Variants in MED13L observed in about 807,000 individuals in gnomAD.
The protein encoded by MED13L is mediator complex subunit 13L, also known as mediator of RNA polymerase II transcription subunit 13-like.
A neutral mutation model predicts 220.9 loss-of-function variants in MED13L; 7 were observed. The observed-to-expected ratio is 0.03, with a 90% CI of 0.02 to 0.06. The LOEUF is 0.06. Among genes scored for constraint, MED13L ranks in the 10% least tolerant of loss-of-function variants. MED13L has a pLI of 1.00. For missense variants in MED13L, 1,965 were observed against 2,760.5 expected, an observed-to-expected ratio of 0.71 and a Z score of 6.46; for synonymous variants, 1,011 against 1,015.2, an observed-to-expected ratio of 1.00 and a Z score of 0.08.
intron 2 of MED13L, among the ~76,000 whole-genome samples, chr12:116,179,130 G>GTTATAC (rs1880299179): frequency 6.6e-6 from 1 of 151,822 alleles, no homozygotes; most frequent in African/African-American, 2.4e-5. Context: ...AATAACTCTG[G>GTTATAC]TTATACTTTT....
At chr12:116,266,442 G>A (rs912937161) in intron 1 of MED13L, among the ~76,000 whole-genome samples, 1 of 152,004 alleles carries the variant, frequency 6.6e-6, no homozygotes, top group Non-Finnish European at 1.5e-5. Context: ...CTTCCCACAG[G>A]GAGCCATCCT....
At chr12:116,219,520 A>G (rs1883189663) in intron 2 of MED13L, among the ~76,000 whole-genome samples, 1 of 152,200 alleles carries the variant, frequency 6.6e-6, no homozygotes, top group Non-Finnish European at 1.5e-5. Context: ...TTACAAAGAG[A>G]TGTGAATATA....
Position 115,974,636 on chromosome 12 carries a change from G to A in MED13L, c.5731+535C>T, listed in dbSNP as rs76089561. Among the ~76,000 whole-genome samples the A allele has an allele frequency of 1.5e-3, 235 of 152,298 alleles. 2 individuals carry two copies. In the East Asian group the frequency reaches 0.022, roughly 14 times the overall value. ...GACTGAACTTCAAAAATCTGCTCTTGTAAGCTTCCAGGCTCAAGAACATCA... is the reference window on the plus strand; with the variant it reads ...GACTGAACTTCAAAAATCTGCTCTTATAAGCTTCCAGGCTCAAGAACATCA... On this transcript the variant is annotated intron_variant, in intron 25 of 30. Coordinates refer to ENST00000281928, the MANE Select transcript of MED13L (RefSeq NM_015335.5).
intron 4 of MED13L, among the ~76,000 whole-genome samples, chr12:116,027,710 G>C (rs1880487522): frequency 6.6e-6 from 1 of 152,106 alleles, no homozygotes; most frequent in South Asian, 2.1e-4. Flanking sequence ...CTGAGACCCT[G>C]ATTTTGTAAT....
intron 26 of MED13L, among the ~76,000 whole-genome samples, chr12:115,971,760 T>A (rs1259047077): frequency 2.0e-5 from 3 of 152,212 alleles, no homozygotes; most frequent in East Asian, 3.8e-4. Context: ...TGGTGTCTAC[T>A]TTCATAGTTC....
At chr12:116,008,273 T>C (rs1303995166) in intron 10 of MED13L, 128 bp downstream of exon 10, 25 of 1,292,178 alleles carry the variant, frequency 1.9e-5, no homozygotes, top group Non-Finnish European at 2.5e-5. Flanking sequence ...ACATTTTCCA[T>C]ATCCGGAGTC....
intron 2 of MED13L, among the ~76,000 whole-genome samples, chr12:116,203,244 A>T (rs975323554): frequency 6.6e-6 from 1 of 152,184 alleles, no homozygotes; most frequent in African/African-American, 2.4e-5. Context: ...TCGGTTTTAC[A>T]AGTTTTGCTT....
At chr12:116,276,334 G>C in intron 1 of MED13L, 1 of 554,250 alleles carries the variant, frequency 1.8e-6, no homozygotes, top group Non-Finnish European at 3.0e-6. Context: ...GTGTGTGTGT[G>C]TGTGTGTGTG....
rs1323605896 is a variant in MED13L at position 116,154,954 on chromosome 12, G to A, written c.311-43442C>T. 2.0e-5 allele frequency among the ~76,000 whole-genome samples: 3 copies of A among 152,112 alleles called. No homozygotes were observed. In the East Asian group the frequency reaches 5.9e-4, roughly 30 times the overall value. On this transcript the variant is annotated intron_variant, in intron 2 of 30. Coordinates refer to ENST00000281928, the MANE Select transcript of MED13L (RefSeq NM_015335.5). ...CAATTCTCCTACCTCAGCCTCCCAAGCAGCTGGGACTTCAGGCACACAACA... is the reference window on the plus strand; with the variant it reads ...CAATTCTCCTACCTCAGCCTCCCAAACAGCTGGGACTTCAGGCACACAACA...
At chr12:116,060,590 A>C (rs1869382674) in intron 4 of MED13L, among the ~76,000 whole-genome samples, 1 of 152,052 alleles carries the variant, frequency 6.6e-6, no homozygotes, top group Non-Finnish European at 1.5e-5. Context: ...AAAAAAAAAA[A>C]AAAAACTAAA....
intron 3 of MED13L, among the ~76,000 whole-genome samples, chr12:116,104,592 C>T (rs1873392706): frequency 6.6e-6 from 1 of 152,178 alleles, no homozygotes; most frequent in African/African-American, 2.4e-5. Context: ...CACCAGCTGA[C>T]TGCTCTGAAG....
Position 116,152,768 on chromosome 12 carries a change from C to T in MED13L, c.311-41256G>A, listed in dbSNP as rs1020419526. 3.9e-5 allele frequency among the ~76,000 whole-genome samples: 6 copies of T among 152,022 alleles called. No individual in the cohort carries two copies. In the East Asian group the frequency reaches 5.8e-4, roughly 15 times the overall value. Reference sequence around the variant, plus strand: ...TTTTTTAAAAATGCATGCTAAAATACGATAGGTTATGGTTTATGAGACTTG... The same window carrying T: ...TTTTTTAAAAATGCATGCTAAAATATGATAGGTTATGGTTTATGAGACTTG... On this transcript the variant is annotated intron_variant, in intron 2 of 30. Coordinates refer to ENST00000281928, the MANE Select transcript of MED13L (RefSeq NM_015335.5).
At chr12:116,178,102 C>T (rs1325342953) in intron 2 of MED13L, among the ~76,000 whole-genome samples, 1 of 151,954 alleles carries the variant, frequency 6.6e-6, no homozygotes, top group Admixed American at 6.6e-5. Context: ...TGCTCTCGAA[C>T]CCATGGGCTC....
chr12:116,216,639 T>C (rs1883015123), intron 2 of MED13L, among the ~76,000 whole-genome samples: 1 of 152,030 alleles, frequency 6.6e-6, no homozygotes, highest in Non-Finnish European at 1.5e-5. Context: ...ATGTACTGAC[T>C]GCTGGGGGAA....
chr12:116,007,366 A>G, intron 11 of MED13L, 45 bp downstream of exon 11: 1 of 1,553,236 alleles, frequency 6.4e-7, no homozygotes, highest in Non-Finnish European at 8.9e-7. Flanking sequence ...ACTGACATAG[A>G]TAGAAACCCA....
intron 4 of MED13L, among the ~76,000 whole-genome samples, chr12:116,045,532 T>G (rs1162238005): frequency 6.6e-6 from 1 of 152,174 alleles, no homozygotes; most frequent in Non-Finnish European, 1.5e-5. Flanking sequence ...ACTAATTATT[T>G]AATCTATGGA....
chr12:116,130,592 G>C (rs1335272866), intron 2 of MED13L, among the ~76,000 whole-genome samples: 1 of 152,174 alleles, frequency 6.6e-6, no homozygotes, highest in Non-Finnish European at 1.5e-5. Context: ...CTCACACACT[G>C]AGCTCCAATC....
chr12:116,070,199 C>A (rs1419221772), intron 4 of MED13L, among the ~76,000 whole-genome samples: 1 of 152,174 alleles, frequency 6.6e-6, no homozygotes, highest in African/African-American at 2.4e-5. Flanking sequence ...GTAATCCCAA[C>A]ACACATTTTG....
chr12:115,985,614 A>AT (rs1877632943), intron 19 of MED13L, among the ~76,000 whole-genome samples: 2 of 152,238 alleles, frequency 1.3e-5, no homozygotes, highest in Non-Finnish European at 2.9e-5. Context: ...ACTTTGGCAT[A>AT]AGAAATGTGG....
Sources: gnomAD v4.1 joint callset for allele counts (sites outside exome capture counted in the v4.1 genomes callset) on GRCh38, gnomAD v4.1.1 for gene constraint, MANE v1.5 for transcripts, NCBI Gene and HGNC (gene_info 2026-07-23, HGNC 2026-07-21) for gene names.